Variants in NYX observed in about 807,000 individuals in gnomAD.
NYX encodes leucine-rich repeat protein.
For missense variants in NYX, 481 were observed against 485.4 expected, an observed-to-expected ratio of 0.99 and a Z score of 0.09; for synonymous variants, 258 against 245.7, an observed-to-expected ratio of 1.05 and a Z score of -0.47.
chrX:41,449,919 C>T (rs536032717), intron 2 of NYX, among the ~76,000 whole-genome samples: 3 of 111,608 alleles, frequency 2.7e-5, no homozygotes, highest in African/African-American at 9.8e-5. Flanking sequence ...ACAAGCAATA[C>T]GGACAATATG....
intron 2 of NYX, among the ~76,000 whole-genome samples, chrX:41,452,131 C>G (rs1374801036): frequency 4.5e-5 from 5 of 110,257 alleles, no homozygotes; most frequent in African/African-American, 1.7e-4. Flanking sequence ...ACCACCATGC[C>G]TGGCTAATTT....
At chrX:41,456,797 T>C (rs2147014248) in intron 2 of NYX, among the ~76,000 whole-genome samples, 1 of 111,681 alleles carries the variant, frequency 9.0e-6, no homozygotes, top group Non-Finnish European at 1.9e-5. Context: ...GCAGGACGTA[T>C]GATGTTGGAA....
intron 2 of NYX, among the ~76,000 whole-genome samples, chrX:41,455,818 T>G (rs1037993623): frequency 3.6e-5 from 4 of 112,113 alleles, no homozygotes; most frequent in African/African-American, 6.5e-5. Context: ...GGCCAAGGTA[T>G]TCCCATGGAA....
In NYX at chrX:41,447,891, T is replaced by C; in HGVS notation, c.-14T>C. On this transcript the variant is annotated 5_prime_UTR_variant, in exon 2 of 3. An upstream start codon of the reference 5' UTR is lost. Coordinates refer to ENST00000378220, the MANE Select transcript of NYX (RefSeq NM_001378477.3). ...GGGTGGTCCTAAGCCACTGGGTGGA[T>C]GAAAGGCCGAGGGATGTTGGTCCTG... The C allele has an allele frequency of 8.3e-7, 1 of 1,210,737 alleles. No homozygotes were observed. The highest frequency in any genetic ancestry group is 1.1e-6 in the Non-Finnish European group (1 of 895,065).
At chrX:41,453,314 C>T (rs755385019) in intron 2 of NYX, among the ~76,000 whole-genome samples, 1 of 111,382 alleles carries the variant, frequency 9.0e-6, no homozygotes, top group Non-Finnish European at 1.9e-5. Context: ...GGCCAGGACA[C>T]CCGATAGGGA....
At position 41,474,164 on chromosome X, in the gene NYX, C is replaced by G; in HGVS notation, c.696C>G (p.Leu232=). ...GTGGCGTCCTGGAGCATCTGCTGCT[C>G]AACGACAACCTGCTGGCCGAGCTCC... ...GDCGVLEHLL[L]NDNLLAELPA... Residue 232 remains leucine, a synonymous_variant, in exon 3 of 3, where the codon CTC becomes CTG. Coordinates refer to ENST00000378220, the MANE Select transcript of NYX (RefSeq NM_001378477.3). 1 of 1,150,393 alleles carries G rather than the reference C, an allele frequency of 8.7e-7. No homozygotes were observed. The highest frequency in any genetic ancestry group is 1.1e-6 in the Non-Finnish European group (1 of 869,934). The allele number at this position is 1,150,393 out of a possible 1,213,427, so 94.8% of individuals were successfully genotyped here. A position where few individuals can be genotyped will look rare whatever the true frequency, so the allele number is the denominator to read the frequency against.
At chrX:41,453,587 C>CT (rs2064289056) in intron 2 of NYX, among the ~76,000 whole-genome samples, 1 of 109,700 alleles carries the variant, frequency 9.1e-6, no homozygotes, top group Non-Finnish European at 1.9e-5. Flanking sequence ...TCCCGAGTAG[C>CT]TGGGACTACA....
At chrX:41,472,934 G>T (rs1209568350) in intron 2 of NYX, among the ~76,000 whole-genome samples, 5 of 111,575 alleles carry the variant, frequency 4.5e-5, no homozygotes, top group Non-Finnish European at 9.4e-5. Context: ...AAGTAGGTGG[G>T]ATTACAGGAG....
In NYX at chrX:41,453,299, G is replaced by T. The variant is rs191998572; in HGVS notation, c.22+5373G>T. Reference sequence around the variant, plus strand: ...CCATCCCTGCCTCCTTGCAGCTCGGGGGCTGGCCAGGACACCCGATAGGGA... The same window carrying T: ...CCATCCCTGCCTCCTTGCAGCTCGGTGGCTGGCCAGGACACCCGATAGGGA... On this transcript the variant is annotated intron_variant, in intron 2 of 2. Transcript: ENST00000378220. 6.8e-4 allele frequency among the ~76,000 whole-genome samples: 76 copies of T among 111,116 alleles called. 1 individual carries two copies. Among genetic ancestry groups the T allele is most frequent in the Admixed American group, 6.4e-3 (66 of 10,359 alleles).
chrX:41,458,488 C>T (rs1040110448), intron 2 of NYX, among the ~76,000 whole-genome samples: 2 of 111,062 alleles, frequency 1.8e-5, no homozygotes, highest in Admixed American at 1.9e-4. Flanking sequence ...GAGACGGAGT[C>T]TCACTCTATT....
At chrX:41,463,955 T>G (rs1004290123) in intron 2 of NYX, among the ~76,000 whole-genome samples, 21 of 111,945 alleles carry the variant, frequency 1.9e-4, no homozygotes, top group African/African-American at 6.8e-4. Flanking sequence ...CTACCAGCAT[T>G]TTCTTTCAGA....
At position 41,474,492 on chromosome X, in the gene NYX, C is replaced by T; in HGVS notation, c.1024C>T (p.Leu342=). ...GTGCTGCGACTGCCGTCTGGAGTGG[C>T]TGAGGGACTGGATGGAGGGCTCCGG... The part of the protein sequence containing the change: ...PWCCDCRLEW[L]RDWMEGSGRV... Residue 342 remains leucine, a synonymous_variant, in exon 3 of 3, where the codon CTG becomes TTG. Transcript: ENST00000378220. 1.7e-6 allele frequency: 2 copies of T among 1,209,114 alleles called. No individual in the cohort carries two copies. Among genetic ancestry groups the T allele is most frequent in the Non-Finnish European group, 2.2e-6 (2 of 895,258 alleles).
chrX:41,452,489 G>C (rs774904255), intron 2 of NYX, among the ~76,000 whole-genome samples: 1 of 111,865 alleles, frequency 8.9e-6, no homozygotes, highest in South Asian at 3.7e-4. Context: ...ACATGTATGT[G>C]AGATTCATCA....
chrX:41,470,963 G>A (rs754370760), intron 2 of NYX, among the ~76,000 whole-genome samples: 2 of 111,034 alleles, frequency 1.8e-5, no homozygotes, highest in South Asian at 7.6e-4. Flanking sequence ...TGAGGGTGGG[G>A]CTGCTATTTC....
chrX:41,465,683 ATT>A (rs11353623), intron 2 of NYX, among the ~76,000 whole-genome samples: 91 of 83,549 alleles, frequency 1.1e-3, no homozygotes, highest in African/African-American at 2.5e-3. Context: ...ACACCCAGCT[ATT>A]TTTTTTTTTT....
At chrX:41,472,695 C>A in intron 2 of NYX, 1 of 352,900 alleles carries the variant, frequency 2.8e-6, no homozygotes. Flanking sequence ...GCCCCCACTT[C>A]CGCCGGCACC....
chrX:41,448,070 G>A, intron 2 of NYX, 144 bp downstream of exon 2: 1 of 597,161 alleles, frequency 1.7e-6, no homozygotes, highest in Non-Finnish European at 2.8e-6. Flanking sequence ...GTGATCGTGG[G>A]GGAGGGGATA....
chrX:41,472,608 G>A (rs890464724), intron 2 of NYX: 16 of 482,426 alleles, frequency 3.3e-5, no homozygotes, highest in African/African-American at 1.9e-4. Context: ...TCAGGGCCTC[G>A]GGGCAGCCGG....
At chrX:41,472,661 G>A (rs186978819) in intron 2 of NYX, 1 of 427,706 alleles carries the variant, frequency 2.3e-6, no homozygotes, top group East Asian at 3.6e-5. Flanking sequence ...CATTGTCTTG[G>A]CGAGGTCCGT....
Sources: allele counts gnomAD v4.1 joint callset (sites outside exome capture counted in the v4.1 genomes callset), GRCh38; gene constraint gnomAD v4.1.1; transcripts MANE v1.5; gene names NCBI Gene and HGNC (gene_info 2026-07-23, HGNC 2026-07-21).